The following GALNT13 variants were observed in gnomAD, a reference collection of about 807,000 sequenced individuals.
The protein encoded by GALNT13 is polypeptide N-acetylgalactosaminyltransferase 13.
A neutral mutation model predicts 64.2 loss-of-function variants in GALNT13; 28 were observed. The observed-to-expected ratio is 0.44, with a 90% CI of 0.32 to 0.60. The LOEUF is 0.60. Among genes scored for constraint, GALNT13 ranks in the 20% least tolerant of loss-of-function variants. GALNT13 has a pLI of 0.05. For synonymous variants in GALNT13, 214 were observed against 224.6 expected, an observed-to-expected ratio of 0.95 and a Z score of 0.42; for missense variants, 577 against 669.8, an observed-to-expected ratio of 0.86 and a Z score of 1.53.
intron 10 of GALNT13, among the ~76,000 whole-genome samples, chr2:154,404,474 C>T (rs191033658): frequency 6.6e-6 from 1 of 152,274 alleles, no homozygotes; most frequent in Non-Finnish European, 1.5e-5. Flanking sequence ...CCAGATGATA[C>T]TACAATTTTT....
Position 154,373,100 on chromosome 2 carries a change from C to A in GALNT13, c.1157-22891C>A, listed in dbSNP as rs200488650. Reference sequence around the variant, plus strand: ...TTTAATGTCAAAGTCAATTAGAGTACTGAAAACTTATATAAAAAATGAATC... The same window carrying A: ...TTTAATGTCAAAGTCAATTAGAGTAATGAAAACTTATATAAAAAATGAATC... On this transcript the variant is annotated intron_variant, in intron 9 of 12. Coordinates refer to ENST00000392825, the MANE Select transcript of GALNT13 (RefSeq NM_052917.4). 6.6e-5 allele frequency among the ~76,000 whole-genome samples: 10 copies of A among 152,018 alleles called. No individual in the cohort carries two copies. The East Asian group carries it at 1.7e-3, about 26-fold the overall frequency.
At chr2:153,649,972 T>G in the GALNT13 span, among the ~76,000 whole-genome samples, 1 of 152,204 alleles carries the variant, frequency 6.6e-6, no homozygotes, top group Non-Finnish European at 1.5e-5. Flanking sequence ...TGTAGATGTC[T>G]ATTAGGTCTG....
At chr2:153,617,160 CTT>C in the GALNT13 span, among the ~76,000 whole-genome samples, 2 of 151,902 alleles carry the variant, frequency 1.3e-5, no homozygotes, top group African/African-American at 2.4e-5. Context: ...AGAGAAAAGA[CTT>C]TCAGCTTTTC....
intron 9 of GALNT13, among the ~76,000 whole-genome samples, chr2:154,362,902 A>G (rs1046261049): frequency 6.6e-6 from 1 of 152,168 alleles, no homozygotes; most frequent in Non-Finnish European, 1.5e-5. Flanking sequence ...TATTAAAGTA[A>G]TCACGTGAGT....
At chr2:153,961,002 A>C (rs1446545390) in intron 3 of GALNT13, among the ~76,000 whole-genome samples, 3 of 152,198 alleles carry the variant, frequency 2.0e-5, no homozygotes. Context: ...TATTATTTTT[A>C]AAGGTAACTA....
chr2:153,843,712 A>T, the GALNT13 span, among the ~76,000 whole-genome samples: 1 of 152,226 alleles, frequency 6.6e-6, no homozygotes, highest in South Asian at 2.1e-4. Flanking sequence ...CAGGTGCAAG[A>T]TATGTACTTC....
At chr2:154,335,430 G>A (rs922770584) in intron 9 of GALNT13, among the ~76,000 whole-genome samples, 1 of 151,942 alleles carries the variant, frequency 6.6e-6, no homozygotes, top group African/African-American at 2.4e-5. Context: ...TGTTCCAAAT[G>A]TGTTTTCTCC....
chr2:153,579,325 G>A, the GALNT13 span, among the ~76,000 whole-genome samples: 1 of 151,864 alleles, frequency 6.6e-6, no homozygotes, highest in African/African-American at 2.4e-5. Context: ...AGCTAATATA[G>A]GCTTTGAGGT....
the GALNT13 span, among the ~76,000 whole-genome samples, chr2:153,752,401 A>G: frequency 2.6e-5 from 4 of 152,202 alleles, no homozygotes; most frequent in African/African-American, 9.6e-5. Flanking sequence ...TAATCCCTGT[A>G]ACATTTTTTA....
chr2:153,506,791 T>C, the GALNT13 span, among the ~76,000 whole-genome samples: 1 of 152,354 alleles, frequency 6.6e-6, no homozygotes, highest in African/African-American at 2.4e-5. Flanking sequence ...TTGTCTTGAC[T>C]TTATATAACC....
At chr2:154,146,451 A>G (rs947803107) in intron 4 of GALNT13, among the ~76,000 whole-genome samples, 6 of 152,080 alleles carry the variant, frequency 3.9e-5, no homozygotes, top group African/African-American at 7.2e-5. Context: ...AAGTGGTATT[A>G]TATACATAAC....
rs536483198 is a variant in GALNT13, at chr2:154,020,655, G to C, written c.142+76016G>C. ...TTTTCTCCCATTTTGTAGGTTGCCTGTTCACTCTGATGGTAGTTTCTTTTG... is the reference window on the plus strand; with the variant it reads ...TTTTCTCCCATTTTGTAGGTTGCCTCTTCACTCTGATGGTAGTTTCTTTTG... On this transcript the variant is annotated intron_variant, in intron 3 of 12. Coordinates refer to ENST00000392825, the MANE Select transcript of GALNT13 (RefSeq NM_052917.4). Among the ~76,000 whole-genome samples, 1,040 of 151,224 alleles carry C rather than the reference G, an allele frequency of 6.9e-3. 14 individuals carry two copies. The highest frequency in any genetic ancestry group is 0.024 in the African/African-American group (999 of 41,198).
the GALNT13 span, among the ~76,000 whole-genome samples, chr2:153,094,592 C>A: frequency 5.3e-5 from 8 of 152,122 alleles, no homozygotes; most frequent in Non-Finnish European, 1.2e-4. Context: ...CAATCCTAAG[C>A]CAAAAGAACA....
chr2:154,071,193 T>C (rs1446027902), intron 3 of GALNT13, among the ~76,000 whole-genome samples: 1 of 152,186 alleles, frequency 6.6e-6, no homozygotes, highest in African/African-American at 2.4e-5. Flanking sequence ...TTTCTCTTTA[T>C]TAATTCAAGC....
intron 4 of GALNT13, among the ~76,000 whole-genome samples, chr2:154,237,423 C>T (rs1003929608): frequency 6.6e-6 from 1 of 150,842 alleles, no homozygotes; most frequent in African/African-American, 2.4e-5. Context: ...AAGTACTTAT[C>T]CCCACTTCCA....
chr2:154,328,757 A>G (rs192905197), intron 9 of GALNT13, among the ~76,000 whole-genome samples: 4 of 152,240 alleles, frequency 2.6e-5, no homozygotes, highest in Admixed American at 2.0e-4. Flanking sequence ...ACAACCCACA[A>G]AGTCCTCCTT....
Position 154,446,629 on chromosome 2 carries a change from G to A in GALNT13, c.1531-3782G>A, listed in dbSNP as rs577119906. 3 of 1,548,434 alleles carry A rather than the reference G, an allele frequency of 1.9e-6. No individual in the cohort carries two copies. In the African/African-American group the frequency reaches 4.1e-5, roughly 21 times the overall value. ...CTCTCAGTGAACAAAGTAGCTGATG[G>A]CTCCCAGCATCCTACTGTGGAAACC... On this transcript the variant is annotated intron_variant, in intron 12 of 12. Coordinates refer to ENST00000392825, the MANE Select transcript of GALNT13 (RefSeq NM_052917.4).
chr2:153,374,011 C>T, the GALNT13 span, among the ~76,000 whole-genome samples: 1 of 152,104 alleles, frequency 6.6e-6, no homozygotes, highest in Non-Finnish European at 1.5e-5. Context: ...TTCAAACATC[C>T]ATCGATGTAT....
At chr2:153,185,587 G>A in the GALNT13 span, among the ~76,000 whole-genome samples, 41 of 152,102 alleles carry the variant, frequency 2.7e-4, no homozygotes, top group African/African-American at 9.9e-4. Context: ...TTTTGATGTG[G>A]GCATTTAGTC....
Sources: gnomAD v4.1 joint callset for allele counts (sites outside exome capture counted in the v4.1 genomes callset) on GRCh38, gnomAD v4.1.1 for gene constraint, MANE v1.5 for transcripts, NCBI Gene and HGNC (gene_info 2026-07-23, HGNC 2026-07-21) for gene names.